FAM171B: variants seen among roughly 807,000 people sequenced by gnomAD.
FAM171B encodes protein FAM171B.
A neutral mutation model predicts 75.6 loss-of-function variants in FAM171B; 19 were observed. That is an observed-to-expected ratio of 0.25 (90% CI 0.18 to 0.37). The LOEUF is 0.37. Among genes scored for constraint, FAM171B ranks in the 10% least tolerant of loss-of-function variants. The pLI is 1.00. For synonymous variants in FAM171B, 367 were observed against 361.7 expected (o/e 1.01, Z -0.17); for missense variants, 848 against 982.4 (o/e 0.86, Z 1.83).
chr2:186,735,442 G>A (rs1690186142), intron 1 of FAM171B, among the ~76,000 whole-genome samples: 1 of 152,104 alleles, frequency 6.6e-6, no homozygotes, highest in Admixed American at 6.6e-5. Flanking sequence ...AGGAGTAATT[G>A]GGGAAATTGC....
intron 1 of FAM171B, among the ~76,000 whole-genome samples, chr2:186,726,219 T>C (rs1006301087): frequency 1.4e-4 from 21 of 152,246 alleles, no homozygotes; most frequent in African/African-American, 4.8e-4. Context: ...ACATTTTCTC[T>C]GTAATAAATA....
intron 1 of FAM171B, among the ~76,000 whole-genome samples, chr2:186,701,754 G>T (rs1467656218): frequency 6.6e-6 from 1 of 152,164 alleles, no homozygotes; most frequent in Non-Finnish European, 1.5e-5. Flanking sequence ...TTGAATTTGA[G>T]TCCAGTTTGT....
rs898547388 is a variant in FAM171B at position 186,729,963 on chromosome 2, T to A, written c.239-10265T>A. 3.3e-5 allele frequency among the ~76,000 whole-genome samples: 5 copies of A among 151,434 alleles called. No homozygotes were observed. In the South Asian group the frequency reaches 1.0e-3, roughly 31 times the overall value. ...TTCGTTTTTTGTTTTTTGTTTTGTC[T>A]TGTTTGTTTTTGAGACAGAGTCTCT... On this transcript the variant is annotated intron_variant, in intron 1 of 7. Transcript: ENST00000304698.
At position 186,694,119 on chromosome 2, in the gene FAM171B, CCCGCCGCCGCCCGGAGCCCCGCAATATG is replaced by C; in HGVS notation, c.-47_-20del. 7.0e-7 allele frequency: 1 copy of C among 1,424,380 alleles called. No individual in the cohort carries two copies. Among genetic ancestry groups the C allele is most frequent in the Non-Finnish European group, 9.1e-7 (1 of 1,098,558 alleles). 88.2% of individuals were successfully genotyped at this position (1,424,380 alleles called of 1,614,324 possible). On this transcript the variant is annotated 5_prime_UTR_variant, in exon 1 of 8. An upstream start codon of the reference 5' UTR is lost. Coordinates refer to ENST00000304698, the MANE Select transcript of FAM171B (RefSeq NM_177454.4). ...CTGCCAGGAGCCCGCAGCCCTGGCG[CCCGCCGCCGCCCGGAGCCCCGCAATATG>C]CCGCCGCGGCCCTCTGGCTCTAGGC... is the stretch of plus-strand genomic sequence containing the variant.
At chr2:186,755,713 T>G (rs2105791459) in intron 6 of FAM171B, among the ~76,000 whole-genome samples, 1 of 152,322 alleles carries the variant, frequency 6.6e-6, no homozygotes, top group African/African-American at 2.4e-5. Flanking sequence ...TCTTTTTTGA[T>G]TGGGTCTTGC....
At chr2:186,713,347 G>A (rs1047165919) in intron 1 of FAM171B, among the ~76,000 whole-genome samples, 1 of 152,188 alleles carries the variant, frequency 6.6e-6, no homozygotes, top group Non-Finnish European at 1.5e-5. Flanking sequence ...TTCCCCTTCT[G>A]GGGGGTGATC....
intron 2 of FAM171B, among the ~76,000 whole-genome samples, chr2:186,741,697 C>G (rs1574108674): frequency 6.6e-6 from 1 of 152,094 alleles, no homozygotes; most frequent in South Asian, 2.1e-4. Context: ...ATCAGATTCT[C>G]AAACATTCTT....
rs1284972446 is a variant in FAM171B, at chr2:186,751,130, A to G, written c.725-4A>G. The G allele has an allele frequency of 1.3e-6, 2 of 1,588,996 alleles. No individual in the cohort carries two copies. Among genetic ancestry groups the G allele is most frequent in the Non-Finnish European group, 1.7e-6 (2 of 1,164,490 alleles). On this transcript the variant is annotated splice_region_variant and splice_polypyrimidine_tract_variant and intron_variant, in intron 4 of 7. Coordinates refer to ENST00000304698, the MANE Select transcript of FAM171B (RefSeq NM_177454.4). ...TGATTTTAATAAACTGTCTTCTTTT[A>G]TAGGTTTTGAAAACATTGAATTGAC...
intron 1 of FAM171B, among the ~76,000 whole-genome samples, chr2:186,739,847 T>C (rs1690261402): frequency 6.6e-6 from 1 of 152,244 alleles, no homozygotes; most frequent in Non-Finnish European, 1.5e-5. Context: ...ATATATGCTA[T>C]ACTTTCATAC....
At chr2:186,761,058 GT>G (rs1690606959) in intron 6 of FAM171B, 54 bp from the exon 7 acceptor site, 1 of 1,557,726 alleles carries the variant, frequency 6.4e-7, no homozygotes, top group East Asian at 2.3e-5. Flanking sequence ...ATGTGACATA[GT>G]TGAGAATTTG....
intron 1 of FAM171B, among the ~76,000 whole-genome samples, chr2:186,700,552 C>T (rs1689643294): frequency 6.6e-6 from 1 of 152,108 alleles, no homozygotes; most frequent in South Asian, 2.1e-4. Context: ...AGATTTTATT[C>T]ATTTTGTAGC....
chr2:186,714,687 T>G (rs1478750037), intron 1 of FAM171B, among the ~76,000 whole-genome samples: 2 of 152,228 alleles, frequency 1.3e-5, no homozygotes, highest in African/African-American at 4.8e-5. Context: ...TCAGTCACAT[T>G]AAAATGATCT....
In FAM171B at chr2:186,729,740, A is replaced by G. The variant is rs368634566; in HGVS notation, c.239-10488A>G. Among the ~76,000 whole-genome samples the G allele has an allele frequency of 3.9e-5, 6 of 152,142 alleles. No individual in the cohort carries two copies. In the East Asian group the frequency reaches 1.2e-3, roughly 29 times the overall value. On this transcript the variant is annotated intron_variant, in intron 1 of 7. Coordinates refer to ENST00000304698, the MANE Select transcript of FAM171B (RefSeq NM_177454.4). The stretch of plus-strand genomic sequence containing the variant: ...TAGGGTGAGAGACAAACCAAGTTTG[A>G]GGATGGGGAGAAGAGGCTCAGAGAG...
At chr2:186,750,683 G>A (rs1296520466) in intron 4 of FAM171B, among the ~76,000 whole-genome samples, 1 of 151,036 alleles carries the variant, frequency 6.6e-6, no homozygotes. Flanking sequence ...TGCTTTTTAT[G>A]TAAGAAGTGC....
chr2:186,707,840 T>A (rs556379760), intron 1 of FAM171B, among the ~76,000 whole-genome samples: 1,220 of 106,576 alleles, frequency 0.011, 20 homozygotes, highest in African/African-American at 0.041. Flanking sequence ...CTTTTTTTTT[T>A]TAAAAAAAAA....
intron 1 of FAM171B, among the ~76,000 whole-genome samples, chr2:186,739,503 A>C (rs1279254317): frequency 6.6e-6 from 1 of 151,812 alleles, no homozygotes; most frequent in African/African-American, 2.4e-5. Flanking sequence ...TTACTTTTTA[A>C]ACTTTTTTTG....
chr2:186,705,209 C>A (rs1178155459), intron 1 of FAM171B, among the ~76,000 whole-genome samples: 1 of 152,180 alleles, frequency 6.6e-6, no homozygotes, highest in Non-Finnish European at 1.5e-5. Flanking sequence ...TTACTTTTAA[C>A]TACATATACA....
chr2:186,724,035 G>A (rs1689994441), intron 1 of FAM171B, among the ~76,000 whole-genome samples: 1 of 152,192 alleles, frequency 6.6e-6, no homozygotes, highest in Non-Finnish European at 1.5e-5. Flanking sequence ...TGAACCTAAT[G>A]AGTAAGTTAT....
rs1227903977 is a variant in FAM171B, at chr2:186,762,446, G to T, written c.2104G>T (p.Asp702Tyr). Reference protein sequence around the residue: ...LKKGKRTQSNDTSLDSGVDMN... With the variant: ...LKKGKRTQSNYTSLDSGVDMN... Reference sequence around the variant, plus strand: ...AAAGGGCAAGAGAACCCAGAGCAATGACACCAGTCTGGACTCTGGGGTGGA... The same window carrying T: ...AAAGGGCAAGAGAACCCAGAGCAATTACACCAGTCTGGACTCTGGGGTGGA... Residue 702 changes from aspartate to tyrosine, a missense_variant, in exon 8 of 8, where the codon GAC (aspartate) becomes TAC (tyrosine). By Grantham distance (160) the Asp-to-Tyr change is radical. Transcript: ENST00000304698. This position sits in a 1 kb window ranked among gnomAD's most constrained non-coding sequence, Gnocchi z 4.0. 1 of 1,613,618 alleles carries T rather than the reference G, an allele frequency of 6.2e-7. No homozygotes were observed. Among genetic ancestry groups the T allele is most frequent in the Non-Finnish European group, 8.5e-7 (1 of 1,179,778 alleles).
Sources: allele counts gnomAD v4.1 joint callset (sites outside exome capture counted in the v4.1 genomes callset), GRCh38; gene constraint gnomAD v4.1.1; non-coding constraint Gnocchi (gnomAD v3.1); transcripts MANE v1.5; gene names NCBI Gene and HGNC (gene_info 2026-07-23, HGNC 2026-07-21).